Variants in ANGEL2 observed in about 807,000 individuals in gnomAD.
ANGEL2 encodes the protein angel homolog 2, also known as RNA 2',3'-cyclic phosphatase ANGEL2.
In ANGEL2, 41 loss-of-function variants were observed where a neutral mutation model predicts 66.0. That is an observed-to-expected ratio of 0.62 (90% CI 0.48 to 0.81). ANGEL2 has a LOEUF of 0.81. ANGEL2 is among the 30% of genes least tolerant of loss of function. The pLI is 0.00. For missense variants in ANGEL2, 561 were observed against 641.6 expected, an observed-to-expected ratio of 0.87 and a Z score of 1.36; for synonymous variants, 208 against 226.5, an observed-to-expected ratio of 0.92 and a Z score of 0.73.
intron 2 of ANGEL2, chr1:213,011,572 A>C: frequency 1.5e-6 from 1 of 660,502 alleles, no homozygotes; most frequent in Non-Finnish European, 1.9e-6. Flanking sequence ...AGTACCTACT[A>C]TGAAGCCAAC....
intron 2 of ANGEL2, among the ~76,000 whole-genome samples, chr1:213,009,575 A>G (rs1320571052): frequency 6.6e-6 from 1 of 152,260 alleles, no homozygotes; most frequent in Admixed American, 6.5e-5. Flanking sequence ...ATTGAAGTTA[A>G]AATATCCTAT....
At chr1:213,012,770 G>A (rs1278115305) in intron 2 of ANGEL2, among the ~76,000 whole-genome samples, 1 of 151,940 alleles carries the variant, frequency 6.6e-6, no homozygotes, top group Non-Finnish European at 1.5e-5. Flanking sequence ...GAAGTCTAAG[G>A]GCCTTTGTTT....
chr1:213,015,203 G>A, intron 1 of ANGEL2: 1 of 1,038,546 alleles, frequency 9.6e-7, no homozygotes, highest in Admixed American at 5.5e-5. Context: ...CGCCTCCAAG[G>A]GATCAGGCCC....
intron 2 of ANGEL2, among the ~76,000 whole-genome samples, chr1:213,011,871 T>C (rs554355355): frequency 6.6e-6 from 1 of 152,366 alleles, no homozygotes; most frequent in East Asian, 1.9e-4. Flanking sequence ...TCTGGTATCA[T>C]CATACTGCCC....
At position 212,996,638 on chromosome 1, in the gene ANGEL2, AAAATATATATAT is replaced by A. The variant is rs1192968524; in HGVS notation, c.1483+505_1483+516del. The stretch of plus-strand genomic sequence containing the variant: ...ACTCTGTATCCAAAAAAAAAAAAAA[AAAATATATATAT>A]ATATATATATATATATATATACTTT... On this transcript the variant is annotated intron_variant, in intron 8 of 8. Transcript: ENST00000366962. Among the ~76,000 whole-genome samples the A allele has an allele frequency of 2.9e-3, 155 of 53,160 alleles. 6 individuals carry two copies. The Middle Eastern group carries it at 0.037, about 13-fold the overall frequency. The allele number at this position is 53,160 out of a possible 152,430, so 34.9% of individuals were successfully genotyped here.
In ANGEL2 at chr1:212,995,181, C is replaced by A. The variant is rs1290464510; in HGVS notation, c.1495G>T (p.Ala499Ser). Residue 499 changes from alanine (A) to serine (S), a missense_variant, in exon 9 of 9, where the codon GCT becomes TCT. By Grantham distance (99) the Ala-to-Ser change is moderately conservative. Transcript: ENST00000366962. ...DVAGHPGAEV[A>S]LVGGLKLLAR... ...AGAAGTTTCAAGCCACCAACCAAAG[C>A]AACTTCAGCTCCTACATTAAAGAAG... 5.0e-6 allele frequency: 8 copies of A among 1,603,496 alleles called. No individual in the cohort carries two copies. Among genetic ancestry groups the A allele is most frequent in the Non-Finnish European group, 6.8e-6 (8 of 1,174,726 alleles).
chr1:213,001,119 T>C (rs2076167061), intron 5 of ANGEL2: 2 of 519,992 alleles, frequency 3.8e-6, no homozygotes, highest in African/African-American at 2.0e-5. Flanking sequence ...AAAATGACAA[T>C]CTTTTTCCCA....
chr1:213,010,064 A>C (rs2076462085), intron 2 of ANGEL2, among the ~76,000 whole-genome samples: 1 of 151,800 alleles, frequency 6.6e-6, no homozygotes, highest in African/African-American at 2.4e-5. Context: ...AAAAAAAAAA[A>C]AAAAAGATGG....
At chr1:213,010,398 C>T (rs562101965) in intron 2 of ANGEL2, among the ~76,000 whole-genome samples, 54 of 151,470 alleles carry the variant, frequency 3.6e-4, no homozygotes, top group African/African-American at 1.2e-3. Flanking sequence ...CGTGAAACCC[C>T]GTCTCTACTA....
chr1:213,004,566 A>G (rs1166479120), intron 5 of ANGEL2, among the ~76,000 whole-genome samples: 1 of 151,926 alleles, frequency 6.6e-6, no homozygotes, highest in Non-Finnish European at 1.5e-5. Context: ...CAACCAAGTG[A>G]AAATAATTAC....
In ANGEL2 at chr1:213,005,021, G is replaced by A; in HGVS notation, c.1134+12C>T. ...ATGTCCACTCCCTAATAACAATGAA[G>A]AAAGCACTTACCTTTCCTATGGGAA... is the stretch of plus-strand genomic sequence containing the variant. On this transcript the variant is annotated intron_variant, in intron 5 of 8. Coordinates refer to ENST00000366962, the MANE Select transcript of ANGEL2 (RefSeq NM_144567.5). 6.6e-7 allele frequency: 1 copy of A among 1,523,918 alleles called. No individual in the cohort carries two copies. Among genetic ancestry groups the A allele is most frequent in the Non-Finnish European group, 8.8e-7 (1 of 1,142,214 alleles). The allele number at this position is 1,523,918 out of a possible 1,614,324, so 94.4% of individuals were successfully genotyped here. A position where few individuals can be genotyped will look rare whatever the true frequency, so the allele number is the denominator to read the frequency against.
At chr1:213,000,440 T>C (rs111328665) in intron 6 of ANGEL2, 57 bp from the exon 7 acceptor site, 1 of 1,412,922 alleles carries the variant, frequency 7.1e-7, no homozygotes, top group Admixed American at 1.8e-5. Context: ...CTTAATATCG[T>C]CATCTTACTC....
Position 212,997,283 on chromosome 1 carries a change from G to T in ANGEL2, c.1355C>A (p.Ser452Ter), listed in dbSNP as rs1457513050. 6.2e-7 allele frequency: 1 copy of T among 1,611,494 alleles called. No individual in the cohort carries two copies. The highest frequency in any genetic ancestry group is 8.5e-7 in the Non-Finnish European group (1 of 1,178,054). The stretch of plus-strand genomic sequence containing the variant: ...AGGAAAGTAATGTGAATAAACAGAT[G>T]ACAAACTGAAATGGTGCTGTAAATT... ...SSNLQHHFSL[S>*]SVYSHYFPDT... is the part of the protein sequence containing the mutation. Residue 452 changes from serine (S) to a stop codon, truncating the protein, a stop_gained, in exon 8 of 9, where the codon TCA becomes TAA. Coordinates refer to ENST00000366962, the MANE Select transcript of ANGEL2 (RefSeq NM_144567.5). LOFTEE classifies it high-confidence loss of function.
In ANGEL2 at chr1:213,015,849, GCAGT is replaced by G. The variant is rs1343915809; in HGVS notation, c.-182_-179del. On this transcript the variant is annotated 5_prime_UTR_variant, in exon 1 of 9. Coordinates refer to ENST00000366962, the MANE Select transcript of ANGEL2 (RefSeq NM_144567.5). ...CCGGCCGGCCTACACTCCATCTTGC[GCAGT>G]CAGAGTCCCTGAATGCCTTAACCCG... is the stretch of plus-strand genomic sequence containing the variant. 1.4e-5 allele frequency: 10 copies of G among 721,398 alleles called. No homozygotes were observed. The highest frequency in any genetic ancestry group is 3.5e-5 in the African/African-American group (2 of 56,524). 44.7% of individuals were successfully genotyped at this position (721,398 alleles called of 1,614,324 possible). A position where few individuals can be genotyped will look rare whatever the true frequency, so the allele number is the denominator to read the frequency against.
chr1:213,000,004 T>C (rs1490820679), intron 7 of ANGEL2, among the ~76,000 whole-genome samples: 1 of 152,230 alleles, frequency 6.6e-6, no homozygotes, highest in Non-Finnish European at 1.5e-5. Context: ...ACAAGCTGTT[T>C]CCCTTCCTAA....
At chr1:213,008,511 G>T in intron 2 of ANGEL2, 45 bp from the exon 3 acceptor site, 1 of 1,575,920 alleles carries the variant, frequency 6.3e-7, no homozygotes. Flanking sequence ...ATCAAAAGCA[G>T]ACCATACAGT....
At chr1:213,000,693 C>A in intron 6 of ANGEL2, 93 bp downstream of exon 6, 1 of 1,347,398 alleles carries the variant, frequency 7.4e-7, no homozygotes. Flanking sequence ...AATATTCATC[C>A]CTGAGATTTT....
intron 8 of ANGEL2, among the ~76,000 whole-genome samples, chr1:212,996,845 A>G (rs941009972): frequency 6.6e-5 from 10 of 151,764 alleles, no homozygotes; most frequent in Non-Finnish European, 1.3e-4. Context: ...GAAAAACAGT[A>G]AATTTATGGC....
At chr1:212,996,622 C>CAAAAAAAAAAAAA (rs1558167053) in intron 8 of ANGEL2, among the ~76,000 whole-genome samples, 1 of 22,706 alleles carries the variant, frequency 4.4e-5, no homozygotes, top group African/African-American at 1.3e-4. Context: ...GACTCTGTAT[C>CAAAAAAAAAAAAA]CAAAAAAAAA....
Sources: gnomAD v4.1 joint callset for allele counts (sites outside exome capture counted in the v4.1 genomes callset) on GRCh38, gnomAD v4.1.1 for gene constraint, MANE v1.5 for transcripts, NCBI Gene and HGNC (gene_info 2026-07-23, HGNC 2026-07-21) for gene names.